Variants in ZFPM1 observed in about 807,000 individuals in gnomAD.
ZFPM1 encodes the protein zinc finger protein, FOG family member 1.
In ZFPM1, 28 loss-of-function variants were observed where a neutral mutation model predicts 46.3. The ratio of observed to expected loss-of-function variants is 0.60; its 90% CI spans 0.45 to 0.83. ZFPM1 has a LOEUF of 0.83. Among genes scored for constraint, ZFPM1 ranks in the 40% least tolerant of loss-of-function variants. ZFPM1 has a pLI of 0.00. For missense variants in ZFPM1, 1,878 were observed against 1,432.4 expected (o/e 1.31, Z -5.02); for synonymous variants, 957 against 675.9 (o/e 1.42, Z -6.45).
chr16:88,454,611 G>A (rs1334618480), intron 1 of ZFPM1, among the ~76,000 whole-genome samples: 1 of 152,236 alleles, frequency 6.6e-6, no homozygotes, highest in Non-Finnish European at 1.5e-5. Context: ...CAGTGCCCCC[G>A]CGATGAGAAC....
intron 1 of ZFPM1, among the ~76,000 whole-genome samples, chr16:88,473,650 C>T (rs1205055738): frequency 2.3e-4 from 35 of 152,188 alleles, no homozygotes; most frequent in Admixed American, 2.2e-3. Context: ...GCCGCGGCCC[C>T]CGCCCCATCT....
rs1555522108 is a variant in ZFPM1 at position 88,461,152 on chromosome 16, A to AGGGGT, written c.40+7478_40+7479insTGGGG. ...GGGGCGGGAGACCTGGTGAGGACCG[A>AGGGGT]GGGGCGGGAGACCTGGTGAGGACCG... is the stretch of plus-strand genomic sequence containing the variant. On this transcript the variant is annotated intron_variant, in intron 1 of 9. Transcript: ENST00000319555. Among the ~76,000 whole-genome samples the AGGGGT allele has an allele frequency of 3.3e-4, 14 of 42,496 alleles. 3 individuals are homozygous for AGGGGT. Among genetic ancestry groups the AGGGGT allele is most frequent in the African/African-American group, 1.7e-3 (13 of 7,436 alleles). 27.9% of individuals were successfully genotyped at this position (42,496 alleles called of 152,430 possible). A position where few individuals can be genotyped will look rare whatever the true frequency, so the allele number is the denominator to read the frequency against.
At chr16:88,501,245 G>A (rs113772978) in intron 3 of ZFPM1, among the ~76,000 whole-genome samples, 4 of 115,894 alleles carry the variant, frequency 3.5e-5, no homozygotes, top group East Asian at 3.0e-4. Context: ...GGGCTCTCCC[G>A]CAGGTACTGG....
intron 1 of ZFPM1, among the ~76,000 whole-genome samples, chr16:88,483,291 C>T (rs1302410826): frequency 1.3e-5 from 2 of 150,678 alleles, no homozygotes; most frequent in Admixed American, 6.6e-5. Flanking sequence ...CTGTCCAGGA[C>T]CCCCCATGGC....
chr16:88,510,377 C>T (rs181359618), intron 3 of ZFPM1, among the ~76,000 whole-genome samples: 1 of 152,360 alleles, frequency 6.6e-6, no homozygotes, highest in African/African-American at 2.4e-5. Flanking sequence ...CAAGCTCTGC[C>T]TGGTCCTCGG....
chr16:88,517,436 G>A (rs1911403788), intron 4 of ZFPM1, among the ~76,000 whole-genome samples: 1 of 144,786 alleles, frequency 6.9e-6, no homozygotes, highest in East Asian at 2.2e-4. Flanking sequence ...GAGTAGATGG[G>A]TAGATGGACA....
At position 88,519,744 on chromosome 16, in the gene ZFPM1, G is replaced by A. The variant is rs539859704; in HGVS notation, c.402+5224G>A. Among the ~76,000 whole-genome samples the A allele has an allele frequency of 1.4e-4, 20 of 143,446 alleles. No individual in the cohort carries two copies. In the South Asian group the frequency reaches 4.5e-3, roughly 32 times the overall value. The allele number at this position is 143,446 out of a possible 152,430, so 94.1% of individuals were successfully genotyped here. A position where few individuals can be genotyped will look rare whatever the true frequency, so the allele number is the denominator to read the frequency against. On this transcript the variant is annotated intron_variant, in intron 4 of 9. Coordinates refer to ENST00000319555, the MANE Select transcript of ZFPM1 (RefSeq NM_153813.3). ...GTGGGTGGATGATGGATAGGTGGAT[G>A]AATAGATGGACAGATGGATGGTGGG...
chr16:88,518,683 GGATGGATGGGTGGATT>G (rs1911530858), intron 4 of ZFPM1, among the ~76,000 whole-genome samples: 1 of 150,088 alleles, frequency 6.7e-6, no homozygotes. Flanking sequence ...GTGGGTGGGT[GGATGGATGGGTGGATT>G]GATGGACGGA....
At chr16:88,472,890 C>A (rs1908490596) in intron 1 of ZFPM1, among the ~76,000 whole-genome samples, 1 of 152,200 alleles carries the variant, frequency 6.6e-6, no homozygotes, top group African/African-American at 2.4e-5. Context: ...GTGTTAACTC[C>A]TGGTTTCAGG....
chr16:88,533,471 T>G lies in ZFPM1; in HGVS notation c.1513T>G (p.Ser505Ala). The change falls in exon 10 of 10, where the codon TCC (serine) becomes GCC (alanine). Residue 505 changes from serine (S) to alanine (A), a missense_variant. Coordinates refer to ENST00000319555, the MANE Select transcript of ZFPM1 (RefSeq NM_153813.3). ...PAPARVKAEL[S>A]SPTPGSSPVP... Reference sequence around the variant, plus strand: ...CCCGGCCAGGGTCAAGGCCGAGCTGTCCAGCCCCACGCCGGGCTCCAGCCC... The same window carrying G: ...CCCGGCCAGGGTCAAGGCCGAGCTGGCCAGCCCCACGCCGGGCTCCAGCCC... 7.1e-7 allele frequency: 1 copy of G among 1,414,760 alleles called. No homozygotes were observed. The highest frequency in any genetic ancestry group is 9.2e-7 in the Non-Finnish European group (1 of 1,092,198). The allele number at this position is 1,414,760 out of a possible 1,614,324, so 87.6% of individuals were successfully genotyped here.
chr16:88,504,878 C>T (rs543395413), intron 3 of ZFPM1, among the ~76,000 whole-genome samples: 87 of 152,294 alleles, frequency 5.7e-4, no homozygotes, highest in Admixed American at 4.8e-3. Flanking sequence ...CTTAGAGACA[C>T]CCCCTCCCCA....
At chr16:88,488,968 CAGGG>C (rs1219206311) in intron 2 of ZFPM1, 59 bp from the exon 3 acceptor site, 2 of 1,555,258 alleles carry the variant, frequency 1.3e-6, no homozygotes, top group Non-Finnish European at 1.7e-6. Flanking sequence ...TTCCCAGCTA[CAGGG>C]AGGGGCAGCT....
intron 1 of ZFPM1, 112 bp downstream of exon 1, chr16:88,453,790 A>C: frequency 5.3e-6 from 3 of 569,742 alleles, no homozygotes; most frequent in Non-Finnish European, 6.8e-6. Flanking sequence ...GGCGACCTTC[A>C]CCCCGCGCCG....
Position 88,486,020 on chromosome 16 carries a change from A to G in ZFPM1, c.122A>G (p.Glu41Gly). 1 of 1,612,572 alleles carries G rather than the reference A, an allele frequency of 6.2e-7. No homozygotes were observed. Among genetic ancestry groups the G allele is most frequent in the Non-Finnish European group, 8.5e-7 (1 of 1,179,858 alleles). ...ATGGAGCAAAAGGCCACGGCACCTG[A>G]AGCCCCGAGCCCTCCCAGCGCAGGT... is the stretch of plus-strand genomic sequence containing the variant. ...SHMEQKATAP[E>G]APSPPSADVN... The change falls in exon 2 of 10, where the codon GAA (glutamate) becomes GGA (glycine). Residue 41 changes from glutamate to glycine, a missense_variant. Physicochemically the swap from Glu to Gly is moderately conservative, Grantham distance 98. Coordinates refer to ENST00000319555, the MANE Select transcript of ZFPM1 (RefSeq NM_153813.3).
chr16:88,534,221 C>A lies in ZFPM1; in HGVS notation c.2263C>A (p.Pro755Thr). ...KLYELHAAGA[P>T]PPPPPGHAPA... ...CTACGAGCTGCACGCGGCCGGCGCC[C>A]CGCCCCCCCCGCCGCCCGGCCACGC... Residue 755 changes from proline to threonine, a missense_variant, in exon 10 of 10, where the codon CCG (proline) becomes ACG (threonine). Coordinates refer to ENST00000319555, the MANE Select transcript of ZFPM1 (RefSeq NM_153813.3). The A allele has an allele frequency of 3.0e-6, 3 of 983,708 alleles. No individual in the cohort carries two copies. Among genetic ancestry groups the A allele is most frequent in the Non-Finnish European group, 3.6e-6 (3 of 830,308 alleles). The allele number at this position is 983,708 out of a possible 1,614,324, so 60.9% of individuals were successfully genotyped here.
At position 88,534,824 on chromosome 16, in the gene ZFPM1, G is replaced by A; in HGVS notation, c.2866G>A (p.Gly956Ser). The change falls in exon 10 of 10, where the codon GGC becomes AGC. Residue 956 changes from glycine (G) to serine (S), a missense_variant. Physicochemically the swap from Gly to Ser is moderately conservative, Grantham distance 56. Coordinates refer to ENST00000319555, the MANE Select transcript of ZFPM1 (RefSeq NM_153813.3). ...GGCGCCCCCCTCCTACTCGGACAAG[G>A]GCGTCCAGACTCCCAGCAAGGGCAC... is the stretch of plus-strand genomic sequence containing the variant. ...PPAPPSYSDK[G>S]VQTPSKGTPA... The A allele has an allele frequency of 1.3e-6, 2 of 1,538,894 alleles. No individual in the cohort carries two copies. The highest frequency in any genetic ancestry group is 1.4e-5 in the African/African-American group (1 of 70,606).
intron 4 of ZFPM1, among the ~76,000 whole-genome samples, chr16:88,518,520 T>C (rs1911514284): frequency 6.7e-6 from 1 of 148,810 alleles, no homozygotes; most frequent in African/African-American, 2.5e-5. Flanking sequence ...GACAGCTGGG[T>C]GGATGGATAG....
intron 4 of ZFPM1, among the ~76,000 whole-genome samples, chr16:88,522,948 G>A (rs1403146035): frequency 6.6e-6 from 1 of 152,158 alleles, no homozygotes; most frequent in Non-Finnish European, 1.5e-5. Flanking sequence ...GTTCACGCCT[G>A]TAATCCCAGC....
At chr16:88,528,755 C>T (rs1160764314) in intron 6 of ZFPM1, among the ~76,000 whole-genome samples, 1 of 149,886 alleles carries the variant, frequency 6.7e-6, no homozygotes, top group African/African-American at 2.4e-5. Context: ...GTTTTTTTTT[C>T]GAGACAAGGT....
Sources: gnomAD v4.1 joint callset for allele counts (sites outside exome capture counted in the v4.1 genomes callset) on GRCh38, gnomAD v4.1.1 for gene constraint, MANE v1.5 for transcripts, NCBI Gene and HGNC (gene_info 2026-07-23, HGNC 2026-07-21) for gene names.